The following CACNA1A variants were observed in gnomAD, a reference collection of about 807,000 sequenced individuals.
CACNA1A encodes the protein voltage-dependent P/Q-type calcium channel subunit alpha-1A.
CACNA1A carries 57 observed loss-of-function variants against 262.4 expected under a neutral mutation model. The ratio of observed to expected loss-of-function variants is 0.22; its 90% CI spans 0.18 to 0.27. CACNA1A has a LOEUF of 0.27. CACNA1A is among the 10% of genes least tolerant of loss of function. The pLI, the probability that CACNA1A is intolerant of heterozygous loss-of-function variation, is 1.00. For synonymous variants in CACNA1A, 1,431 were observed against 1,419.3 expected (o/e 1.01, Z -0.18); for missense variants, 2,526 against 3,562.8 (o/e 0.71, Z 7.41).
At chr19:13,394,398 GC>G (rs2059774605) in intron 3 of CACNA1A, among the ~76,000 whole-genome samples, 1 of 104,706 alleles carries the variant, frequency 9.6e-6, no homozygotes, top group Non-Finnish European at 1.6e-5. Flanking sequence ...TGATGATCCC[GC>G]CATACAATTG....
In CACNA1A at chr19:13,308,282, C is replaced by A. The variant is rs768769311; in HGVS notation, c.1782-31G>T. On this transcript the variant is annotated intron_variant, in intron 13 of 46. Coordinates refer to ENST00000360228, the MANE Select transcript of CACNA1A (RefSeq NM_001127222.2). The surrounding 1 kb of genome is among the most constrained non-coding windows in gnomAD (Gnocchi z 4.2). Reference sequence around the variant, plus strand: ...GACAGAGGCCAGGCGAGGACTCAGGCCAGGCGGGGGAGGCAGGGCCCCGGA... The same window carrying A: ...GACAGAGGCCAGGCGAGGACTCAGGACAGGCGGGGGAGGCAGGGCCCCGGA... The A allele has an allele frequency of 6.3e-6, 10 of 1,599,656 alleles. No homozygotes were observed. The highest frequency in any genetic ancestry group is 8.5e-6 in the Non-Finnish European group (10 of 1,171,074).
intron 3 of CACNA1A, among the ~76,000 whole-genome samples, chr19:13,425,149 C>G (rs541620235): frequency 7.9e-5 from 12 of 152,142 alleles, no homozygotes; most frequent in Non-Finnish European, 1.6e-4. Context: ...AAGACTGACT[C>G]TCTTGCTGAA....
Position 13,462,762 on chromosome 19 carries a change from T to G in CACNA1A, c.294-7550A>C, listed in dbSNP as rs542120108. Among the ~76,000 whole-genome samples the G allele has an allele frequency of 3.9e-5, 6 of 152,114 alleles. No individual in the cohort carries two copies. In the South Asian group the frequency reaches 1.0e-3, roughly 26 times the overall value. ...GCCCAACTCCACAGTCTATGCCTTT[T>G]TTTGTTTGTTTGTTTGAGTTAGGGT... is the stretch of plus-strand genomic sequence containing the variant. On this transcript the variant is annotated intron_variant, in intron 1 of 46. Coordinates refer to ENST00000360228, the MANE Select transcript of CACNA1A (RefSeq NM_001127222.2).
At chr19:13,266,223 TTA>T (rs1392637169) in intron 24 of CACNA1A, among the ~76,000 whole-genome samples, 2 of 151,898 alleles carry the variant, frequency 1.3e-5, no homozygotes, top group Admixed American at 6.6e-5. Context: ...TCCTTTTTTT[TTA>T]TTTAAATTAA....
intron 3 of CACNA1A, among the ~76,000 whole-genome samples, chr19:13,398,825 G>A (rs2059852022): frequency 6.6e-6 from 1 of 152,190 alleles, no homozygotes; most frequent in South Asian, 2.1e-4. Context: ...AGGAAGTAGC[G>A]GTCATGATTA....
intron 19 of CACNA1A, among the ~76,000 whole-genome samples, chr19:13,287,432 G>C (rs906078409): frequency 2.0e-5 from 3 of 152,196 alleles, no homozygotes; most frequent in African/African-American, 7.2e-5. Flanking sequence ...GCCTGGAATT[G>C]AGAGGAGCCT....
intron 19 of CACNA1A, among the ~76,000 whole-genome samples, chr19:13,296,285 A>G (rs556274893): frequency 2.0e-5 from 3 of 152,208 alleles, no homozygotes; most frequent in Non-Finnish European, 4.4e-5. Context: ...GGCCTACCTC[A>G]TATGTCATAC....
chr19:13,384,055 T>C (rs966730102), intron 3 of CACNA1A, among the ~76,000 whole-genome samples: 1 of 152,214 alleles, frequency 6.6e-6, no homozygotes, highest in Non-Finnish European at 1.5e-5. Flanking sequence ...TGGATTCAAG[T>C]GATCCTCTCA....
chr19:13,234,149 A>C (rs2055777712), intron 34 of CACNA1A, among the ~76,000 whole-genome samples: 1 of 151,414 alleles, frequency 6.6e-6, no homozygotes, highest in Non-Finnish European at 1.5e-5. Context: ...GGAGATCGAG[A>C]CCATCCTGGC....
chr19:13,279,647 G>GTATTTTT (rs2057238914), intron 22 of CACNA1A, among the ~76,000 whole-genome samples: 1 of 151,962 alleles, frequency 6.6e-6, no homozygotes, highest in Non-Finnish European at 1.5e-5. Flanking sequence ...ACCACGCCCG[G>GTATTTTT]CTAATTTTTG....
chr19:13,258,411 C>G (rs959619396), intron 27 of CACNA1A: 2 of 152,176 alleles, frequency 1.3e-5, no homozygotes, highest in African/African-American at 4.8e-5. Flanking sequence ...CTCAAAGGCT[C>G]TGTGTCTAAG....
intron 12 of CACNA1A, 95 bp downstream of exon 12, chr19:13,312,574 G>C: frequency 1.4e-6 from 1 of 710,668 alleles, no homozygotes. Flanking sequence ...CTCATATTCA[G>C]GGGTGACTTT....
intron 3 of CACNA1A, among the ~76,000 whole-genome samples, chr19:13,433,626 G>A (rs540274898): frequency 1.3e-5 from 2 of 152,070 alleles, no homozygotes; most frequent in African/African-American, 4.8e-5. Context: ...CTGGGCTTTG[G>A]TGTCTCATCT....
At chr19:13,319,509 C>T (rs1444786783) in intron 10 of CACNA1A, among the ~76,000 whole-genome samples, 4 of 152,124 alleles carry the variant, frequency 2.6e-5, no homozygotes, top group Admixed American at 2.0e-4. Context: ...CCATCCAGCA[C>T]GTTTATCAAA....
At chr19:13,327,687 C>T (rs2058388124) in intron 10 of CACNA1A, among the ~76,000 whole-genome samples, 1 of 151,794 alleles carries the variant, frequency 6.6e-6, no homozygotes, top group Non-Finnish European at 1.5e-5. Flanking sequence ...GATTTTGTGC[C>T]TCAGCCTCCT....
intron 3 of CACNA1A, among the ~76,000 whole-genome samples, chr19:13,446,691 A>C (rs2060821389): frequency 6.8e-6 from 1 of 147,982 alleles, no homozygotes; most frequent in Non-Finnish European, 1.5e-5. Flanking sequence ...TCCTGACTTC[A>C]AGCGATCTGC....
Position 13,350,707 on chromosome 19 carries a change from TA to T in CACNA1A, c.978+8898del, listed in dbSNP as rs77997558. Reference sequence around the variant, plus strand: ...TCTCTTAAACGACATCACAACTCCTTAAAAAAAAATTCTGGGCTGGTCACAG... The same window carrying T: ...TCTCTTAAACGACATCACAACTCCTTAAAAAAAATTCTGGGCTGGTCACAG... On this transcript the variant is annotated intron_variant, in intron 6 of 46. Transcript: ENST00000360228. 6.0e-3 allele frequency among the ~76,000 whole-genome samples: 916 copies of T among 151,614 alleles called. 11 individuals are homozygous for T. Among genetic ancestry groups the T allele is most frequent in the African/African-American group, 0.021 (856 of 41,346 alleles).
chr19:13,209,123 C>G (rs1178621808), intron 45 of CACNA1A, 114 bp from the exon 46 acceptor site: 1 of 1,450,020 alleles, frequency 6.9e-7, no homozygotes, highest in East Asian at 2.5e-5. Context: ...TCCCCTGAAC[C>G]GAGGCAGGTC....
At chr19:13,463,148 A>T (rs546644294) in intron 1 of CACNA1A, among the ~76,000 whole-genome samples, 151 of 146,024 alleles carry the variant, frequency 1.0e-3, no homozygotes, top group African/African-American at 4.1e-3. Flanking sequence ...CTTTATTTAA[A>T]AAAAAAAAAA....
Sources: allele counts gnomAD v4.1 joint callset (sites outside exome capture counted in the v4.1 genomes callset), GRCh38; gene constraint gnomAD v4.1.1; non-coding constraint Gnocchi (gnomAD v3.1); transcripts MANE v1.5; gene names NCBI Gene and HGNC (gene_info 2026-07-23, HGNC 2026-07-21).